Variants in ANKMY1 observed in about 807,000 individuals in gnomAD.
ANKMY1 encodes the protein ankyrin repeat and MYND domain containing 1, also known as ankyrin repeat and MYND domain-containing protein 1.
ANKMY1 carries 98 observed loss-of-function variants against 102.0 expected under a neutral mutation model. The observed-to-expected ratio is 0.96, with a 90% CI of 0.82 to 1.14. ANKMY1 has a LOEUF of 1.14. Among genes scored for constraint, ANKMY1 ranks in the 50% most tolerant of loss-of-function variants. The probability of loss-of-function intolerance (pLI) is 0.00; values close to 1 mark genes in which losing one functional copy is unlikely to be tolerated. For missense variants in ANKMY1, 1,330 were observed against 1,347.6 expected (o/e 0.99, Z 0.20); for synonymous variants, 582 against 559.9 (o/e 1.04, Z -0.56).
At chr2:240,496,498 A>G (rs886431956) in intron 15 of ANKMY1, among the ~76,000 whole-genome samples, 10 of 152,056 alleles carry the variant, frequency 6.6e-5, no homozygotes, top group African/African-American at 2.4e-4. Flanking sequence ...CTTTTCTCTG[A>G]GGACATGTTC....
intron 4 of ANKMY1, among the ~76,000 whole-genome samples, chr2:240,539,517 C>T (rs796946627): frequency 1.4e-4 from 22 of 152,320 alleles, no homozygotes; most frequent in African/African-American, 4.8e-4. Flanking sequence ...ACGAGGAGTC[C>T]GCGGCTTCAT....
intron 16 of ANKMY1, 141 bp downstream of exon 16, chr2:240,482,042 C>G (rs889256790): frequency 1.1e-6 from 1 of 870,498 alleles, no homozygotes; most frequent in African/African-American, 1.7e-5. Context: ...GCAAGCAGGA[C>G]TTCCTAGAGG....
intron 13 of ANKMY1, among the ~76,000 whole-genome samples, chr2:240,503,090 C>T (rs1027992065): frequency 1.3e-5 from 2 of 152,202 alleles, no homozygotes; most frequent in Non-Finnish European, 2.9e-5. Context: ...TCTGAGACCA[C>T]AAACCCTGCT....
chr2:240,526,169 CAT>C (rs1263691005), intron 6 of ANKMY1, 58 bp downstream of exon 6: 131 of 1,586,822 alleles, frequency 8.3e-5, no homozygotes, highest in South Asian at 7.8e-4. Context: ...GGGCCACCCA[CAT>C]GTGTGACCCT....
intron 9 of ANKMY1, among the ~76,000 whole-genome samples, chr2:240,518,106 G>T (rs2081511529): frequency 6.6e-6 from 1 of 152,124 alleles, no homozygotes. Flanking sequence ...GGGGGGAAGG[G>T]TGTTGAAACG....
Position 240,554,811 on chromosome 2 carries a change from G to A in ANKMY1, c.336+55C>T, listed in dbSNP as rs2092093804. 1.9e-6 allele frequency: 3 copies of A among 1,595,526 alleles called. No homozygotes were observed. In the South Asian group the frequency reaches 3.4e-5, roughly 18 times the overall value. On this transcript the variant is annotated intron_variant, in intron 3 of 17. Coordinates refer to ENST00000401804, the MANE Select transcript of ANKMY1 (RefSeq NM_001282771.3). Reference sequence around the variant, plus strand: ...GTCCCATCACTCTTGGAAGGATAAAGGCCAGCCACCAGAGGCCCTAGGGGA... The same window carrying A: ...GTCCCATCACTCTTGGAAGGATAAAAGCCAGCCACCAGAGGCCCTAGGGGA...
At chr2:240,509,488 A>G (rs376241917) in intron 11 of ANKMY1, 33 bp from the exon 12 acceptor site, 184 of 1,477,842 alleles carry the variant, frequency 1.2e-4, no homozygotes, top group Non-Finnish European at 2.6e-5. Context: ...TTAGAGAGGC[A>G]CCCCCACCCA....
At chr2:240,543,185 T>C (rs2089439046) in intron 4 of ANKMY1, among the ~76,000 whole-genome samples, 1 of 151,396 alleles carries the variant, frequency 6.6e-6, no homozygotes. Context: ...CCGTCTCTAC[T>C]AAAAATGCAA....
Position 240,529,496 on chromosome 2 carries a change from G to A in ANKMY1, c.494C>T (p.Ala165Val), listed in dbSNP as rs769468041. The A allele has an allele frequency of 4.3e-5, 70 of 1,612,312 alleles. No homozygotes were observed. Among genetic ancestry groups the A allele is most frequent in the South Asian group, 1.4e-4 (13 of 90,932 alleles). ...GACACCTGGCCCAAACCGCTGGTCC[G>A]CTTTGTATAGCCCCTGCCAAGGAAG... ...KTRLFQGLYK[A>V]DQRFGPGVET... Residue 165 changes from alanine (A) to valine (V), a missense_variant, in exon 5 of 18, where the codon GCG becomes GTG. Ala to Val is a moderately conservative substitution (Grantham distance 64). Coordinates refer to ENST00000401804, the MANE Select transcript of ANKMY1 (RefSeq NM_001282771.3). This position sits in a 1 kb window ranked among gnomAD's most constrained non-coding sequence, Gnocchi z 4.2.
chr2:240,561,050 C>G (rs1230391220), upstream of ANKMY1: 2 of 1,504,146 alleles, frequency 1.3e-6, no homozygotes, highest in Non-Finnish European at 8.8e-7. Context: ...TGCGGCACCG[C>G]GGCCTCAGCC....
Position 240,523,977 on chromosome 2 carries a change from C to T in ANKMY1, c.1740G>A (p.Gln580=). The change falls in exon 8 of 18, where the codon CAG becomes CAA. Residue 580 remains glutamine (Q), a synonymous_variant. Coordinates refer to ENST00000401804, the MANE Select transcript of ANKMY1 (RefSeq NM_001282771.3). ...AGGCCATCTTCAGCAAGCTGTGGGA[C>T]TGGGCGCTTCTCTCCAGCATGGCCT... The part of the protein sequence containing the change: ...LSQAMLERSA[Q]SHSLLKMASP... 1 of 1,613,882 alleles carries T rather than the reference C, an allele frequency of 6.2e-7. No homozygotes were observed. The highest frequency in any genetic ancestry group is 8.5e-7 in the Non-Finnish European group (1 of 1,180,038).
At chr2:240,539,536 T>C (rs2088038402) in intron 4 of ANKMY1, among the ~76,000 whole-genome samples, 1 of 152,196 alleles carries the variant, frequency 6.6e-6, no homozygotes, top group Non-Finnish European at 1.5e-5. Flanking sequence ...ATTCTTGAAG[T>C]CAGTGAGACC....
chr2:240,507,734 T>C, intron 12 of ANKMY1, 43 bp from the exon 13 acceptor site: 2 of 1,548,692 alleles, frequency 1.3e-6, no homozygotes, highest in Non-Finnish European at 1.8e-6. Flanking sequence ...ACCATGTCAC[T>C]TCCCCTGACA....
intron 11 of ANKMY1, 76 bp downstream of exon 11, chr2:240,511,785 C>CG: frequency 6.8e-7 from 1 of 1,477,722 alleles, no homozygotes. Context: ...CACATGCTTC[C>CG]GGGGGCACAA....
the ANKMY1 span, among the ~76,000 whole-genome samples, chr2:240,472,775 C>T: frequency 6.6e-6 from 1 of 152,172 alleles, no homozygotes; most frequent in Non-Finnish European, 1.5e-5. Flanking sequence ...GAGGTGTTTG[C>T]TGCTTCAAAT....
chr2:240,521,118 C>T (rs976112187), intron 8 of ANKMY1, among the ~76,000 whole-genome samples: 8 of 151,540 alleles, frequency 5.3e-5, no homozygotes, highest in African/African-American at 9.7e-5. Flanking sequence ...TGTGCAGCCG[C>T]GCAGGGCTGA....
At chr2:240,490,096 C>G (rs1356414065) in intron 15 of ANKMY1, among the ~76,000 whole-genome samples, 2 of 152,126 alleles carry the variant, frequency 1.3e-5, no homozygotes, top group Non-Finnish European at 2.9e-5. Context: ...GTAATATCTC[C>G]TTTTCCATTT....
chr2:240,555,247 A>G (rs1230084666), intron 2 of ANKMY1, 192 bp from the exon 3 acceptor site: 11 of 621,718 alleles, frequency 1.8e-5, no homozygotes, highest in Non-Finnish European at 3.1e-5. Flanking sequence ...CCAAGGCCAC[A>G]CAGGAAGTGG....
intron 4 of ANKMY1, among the ~76,000 whole-genome samples, chr2:240,533,092 A>G (rs1306009541): frequency 6.6e-6 from 1 of 152,252 alleles, no homozygotes; most frequent in African/African-American, 2.4e-5. Context: ...TAAGTTTCAT[A>G]CATTTTCCTG....
Sources: allele counts gnomAD v4.1 joint callset (sites outside exome capture counted in the v4.1 genomes callset), GRCh38; gene constraint gnomAD v4.1.1; non-coding constraint Gnocchi (gnomAD v3.1); transcripts MANE v1.5; gene names NCBI Gene and HGNC (gene_info 2026-07-23, HGNC 2026-07-21).